Variants in CCDC191 observed in about 807,000 individuals in gnomAD.
CCDC191 encodes the protein coiled-coil domain containing 191, also known as coiled-coil domain-containing protein 191.
Under a neutral mutation model 114.0 loss-of-function variants are expected in CCDC191, and 99 were observed. The ratio of observed to expected loss-of-function variants is 0.87; its 90% CI spans 0.74 to 1.03. The LOEUF (loss-of-function observed/expected upper bound fraction) is 1.03. CCDC191 is among the 50% of genes least tolerant of loss of function. The pLI, the probability that CCDC191 is intolerant of heterozygous loss-of-function variation, is 0.00. For synonymous variants in CCDC191, 351 were observed against 376.0 expected, an observed-to-expected ratio of 0.93 and a Z score of 0.77; for missense variants, 973 against 1,087.0, an observed-to-expected ratio of 0.90 and a Z score of 1.47.
Position 114,018,746 on chromosome 3 carries a change from G to C in CCDC191, c.1095C>G (p.Asp365Glu). The C allele has an allele frequency of 6.2e-7, 1 of 1,613,550 alleles. No homozygotes were observed. Among genetic ancestry groups the C allele is most frequent in the Non-Finnish European group, 8.5e-7 (1 of 1,179,740 alleles). Residue 365 changes from aspartate (D) to glutamate (E), a missense_variant, in exon 8 of 17, where the codon GAC becomes GAG. Asp to Glu is a conservative substitution (Grantham distance 45). Coordinates refer to ENST00000295878, the MANE Select transcript of CCDC191 (RefSeq NM_020817.2). ...IQLKVLRAWR[D>E]YTRFQKLERE... ...GCTCCAACTTCTGGAATCTTGTGTA[G>C]TCTCTCCAGGCCCGCAGGACCTTCA...
chr3:114,028,309 G>A (rs187680865), intron 7 of CCDC191, among the ~76,000 whole-genome samples: 438 of 140,492 alleles, frequency 3.1e-3, no homozygotes, highest in African/African-American at 5.6e-3. Context: ...TTATCGAGAC[G>A]GAGTCTCGCT....
At chr3:114,033,113 C>T (rs2076431971) in intron 6 of CCDC191, among the ~76,000 whole-genome samples, 2 of 148,190 alleles carry the variant, frequency 1.3e-5, no homozygotes, top group South Asian at 2.1e-4. Flanking sequence ...TTTCTGTTTG[C>T]GATGGAGTCT....
At chr3:113,966,036 C>T (rs141677538) in intron 16 of CCDC191, among the ~76,000 whole-genome samples, 1 of 152,210 alleles carries the variant, frequency 6.6e-6, no homozygotes, top group African/African-American at 2.4e-5. Context: ...GTACCCATGC[C>T]AGGACCAGTG....
intron 13 of CCDC191, among the ~76,000 whole-genome samples, chr3:113,991,384 AAATC>A (rs1348485141): frequency 2.6e-5 from 4 of 152,148 alleles, no homozygotes; most frequent in Non-Finnish European, 5.9e-5. Context: ...TTACATTGGA[AAATC>A]AATCAATGTA....
intron 4 of CCDC191, 25 bp from the exon 5 acceptor site, chr3:114,036,811 A>T: frequency 6.8e-7 from 1 of 1,480,026 alleles, no homozygotes; most frequent in Non-Finnish European, 9.0e-7. Context: ...ACAACAAAAA[A>T]GGGAATTTTT....
intron 8 of CCDC191, among the ~76,000 whole-genome samples, chr3:114,016,647 G>A (rs1487815045): frequency 6.6e-6 from 1 of 152,114 alleles, no homozygotes; most frequent in Non-Finnish European, 1.5e-5. Flanking sequence ...ACAGATACAA[G>A]AAAAAGTTCT....
chr3:113,990,479 G>A (rs1256814800), intron 13 of CCDC191, among the ~76,000 whole-genome samples: 1 of 151,850 alleles, frequency 6.6e-6, no homozygotes, highest in East Asian at 1.9e-4. Flanking sequence ...CCAGGTGAGG[G>A]ATAAAAGACT....
At chr3:114,025,386 CT>C (rs2076306670) in intron 7 of CCDC191, among the ~76,000 whole-genome samples, 2 of 152,074 alleles carry the variant, frequency 1.3e-5, no homozygotes, top group African/African-American at 4.8e-5. Context: ...CCCCCACCAA[CT>C]TTTTTTCTGA....
At chr3:114,050,876 T>A (rs986779304) in intron 2 of CCDC191, among the ~76,000 whole-genome samples, 1 of 152,198 alleles carries the variant, frequency 6.6e-6, no homozygotes, top group African/African-American at 2.4e-5. Flanking sequence ...TGGAGTAAGA[T>A]GAGTCAGTCC....
At chr3:113,979,037 T>C (rs1179631817) in intron 14 of CCDC191, 27 bp from the exon 15 acceptor site, 1 of 1,600,760 alleles carries the variant, frequency 6.2e-7, no homozygotes, top group South Asian at 1.1e-5. Context: ...ATGAGAAATA[T>C]TATTCCTTAA....
chr3:113,996,078 A>G (rs1035926188), intron 13 of CCDC191, among the ~76,000 whole-genome samples: 8 of 151,996 alleles, frequency 5.3e-5, no homozygotes, highest in African/African-American at 9.7e-5. Flanking sequence ...GTAGGTTCCT[A>G]TTCACTTTTA....
chr3:114,047,373 T>A (rs2107757449), intron 2 of CCDC191, among the ~76,000 whole-genome samples: 1 of 152,304 alleles, frequency 6.6e-6, no homozygotes, highest in South Asian at 2.1e-4. Flanking sequence ...TAAAAACGCT[T>A]ATATTAGGCT....
chr3:113,965,537 A>T (rs559541032), intron 16 of CCDC191, 178 bp from the exon 17 acceptor site: 1 of 403,078 alleles, frequency 2.5e-6, no homozygotes, highest in Admixed American at 4.3e-5. Context: ...TAAGGCAACA[A>T]AAGGGAATGA....
At chr3:114,046,545 TG>T (rs752168185) in intron 3 of CCDC191, 45 bp downstream of exon 3, 2 of 1,158,174 alleles carry the variant, frequency 1.7e-6, no homozygotes, top group African/African-American at 1.5e-5. Flanking sequence ...TCATGGGTTA[TG>T]CTTTAAGAAT....
At chr3:113,978,138 G>A (rs765929601) in intron 16 of CCDC191, 48 bp downstream of exon 16, 3 of 1,600,876 alleles carry the variant, frequency 1.9e-6, no homozygotes, top group Admixed American at 1.7e-5. Flanking sequence ...ATATTGCTGA[G>A]CAATTGTGAA....
chr3:114,033,605 T>C (rs2076439606), intron 6 of CCDC191, among the ~76,000 whole-genome samples: 1 of 152,212 alleles, frequency 6.6e-6, no homozygotes, highest in Non-Finnish European at 1.5e-5. Context: ...AATAAATGAC[T>C]GGTCAGTGAA....
intron 9 of CCDC191, among the ~76,000 whole-genome samples, chr3:114,009,767 A>G (rs1286727342): frequency 2.6e-5 from 4 of 152,216 alleles, no homozygotes; most frequent in Admixed American, 2.6e-4. Context: ...AGCATTATGG[A>G]TATGTGCAGA....
intron 7 of CCDC191, among the ~76,000 whole-genome samples, chr3:114,029,121 G>C (rs2076367710): frequency 6.6e-6 from 1 of 152,136 alleles, no homozygotes; most frequent in Admixed American, 6.6e-5. Context: ...CCATGTAGAA[G>C]TGGTTGATTC....
intron 3 of CCDC191, among the ~76,000 whole-genome samples, chr3:114,045,329 T>C (rs1211467482): frequency 6.6e-6 from 1 of 152,088 alleles, no homozygotes; most frequent in Non-Finnish European, 1.5e-5. Flanking sequence ...TGCCCTTTTC[T>C]CTCTTTTTCT....
Sources: allele counts gnomAD v4.1 joint callset (sites outside exome capture counted in the v4.1 genomes callset), GRCh38; gene constraint gnomAD v4.1.1; transcripts MANE v1.5; gene names NCBI Gene and HGNC (gene_info 2026-07-23, HGNC 2026-07-21).